UBAC1: variants seen among roughly 807,000 people sequenced by gnomAD.
UBAC1 encodes the protein UBA domain containing 1, also known as ubiquitin-associated domain-containing protein 1.
UBAC1 carries 27 observed loss-of-function variants against 45.9 expected under a neutral mutation model. The observed-to-expected ratio is 0.59, with a 90% CI of 0.43 to 0.81. UBAC1 has a LOEUF of 0.81. Ranked by LOEUF, UBAC1 falls within the 30% of genes least tolerant of loss-of-function variation. The pLI is 0.00. For missense variants in UBAC1, 529 were observed against 539.2 expected (o/e 0.98, Z 0.19); for synonymous variants, 227 against 215.5 (o/e 1.05, Z -0.47).
At chr9:135,944,491 A>G (rs890037449) in intron 7 of UBAC1, among the ~76,000 whole-genome samples, 2 of 152,198 alleles carry the variant, frequency 1.3e-5, no homozygotes, top group African/African-American at 4.8e-5. Flanking sequence ...AGAACAGGAG[A>G]GAGAAGGAAG....
intron 7 of UBAC1, among the ~76,000 whole-genome samples, chr9:135,940,375 C>A (rs1321739020): frequency 6.6e-6 from 1 of 151,808 alleles, no homozygotes; most frequent in Non-Finnish European, 1.5e-5. Flanking sequence ...GTCAGGAGAT[C>A]AAGACCATCT....
chr9:135,938,890 C>T (rs1054209246), intron 8 of UBAC1, among the ~76,000 whole-genome samples: 2 of 152,172 alleles, frequency 1.3e-5, no homozygotes, highest in African/African-American at 4.8e-5. Context: ...GGGCACAGGA[C>T]GGGAATCATT....
rs957361004 is a variant in UBAC1 at position 135,945,379 on chromosome 9, C to T, written c.654-129G>A. 47 of 801,026 alleles carry T rather than the reference C, an allele frequency of 5.9e-5. No homozygotes were observed. In the Admixed American group the frequency reaches 1.5e-3, roughly 25 times the overall value. The allele number at this position is 801,026 out of a possible 1,614,324, so 49.6% of individuals were successfully genotyped here. ...CAGCATCAGCTGGTGACCCTTATAA[C>T]AAGAACCTGAATGAACACAGGTGCG... On this transcript the variant is annotated intron_variant, in intron 6 of 9. Coordinates refer to ENST00000371756, the MANE Select transcript of UBAC1 (RefSeq NM_016172.3).
chr9:135,957,768 C>T (rs1050683576), intron 1 of UBAC1, among the ~76,000 whole-genome samples: 3 of 133,802 alleles, frequency 2.2e-5, no homozygotes. Flanking sequence ...TTTATGAACT[C>T]CTTCTTTTTT....
intron 9 of UBAC1, among the ~76,000 whole-genome samples, chr9:135,935,898 C>A (rs1456893839): frequency 2.0e-5 from 3 of 151,758 alleles, no homozygotes; most frequent in African/African-American, 7.3e-5. Flanking sequence ...CGGTGGCGGG[C>A]ACCTGTAGTC....
rs36068848 is a variant in UBAC1 at position 135,938,262 on chromosome 9, C to T, written c.1062G>A (p.Pro354=). 499 of 1,614,202 alleles carry T rather than the reference C, an allele frequency of 3.1e-4. 2 individuals are homozygous for T. The African/African-American group carries it at 6.2e-3, about 20-fold the overall frequency. ...GGTTGGTCAGGCCCAGCTGCACCACCGGGTTATCCAGGATGGCCTGAAAGA... is the reference window on the plus strand; with the variant it reads ...GGTTGGTCAGGCCCAGCTGCACCACTGGGTTATCCAGGATGGCCTGAAAGA... ...SPLFQAILDN[P]VVQLGLTNPK... is the part of the protein sequence containing the mutation. The change falls in exon 9 of 10, where the codon CCG becomes CCA. Residue 354 remains proline, a synonymous_variant. Transcript: ENST00000371756.
intron 3 of UBAC1, among the ~76,000 whole-genome samples, chr9:135,952,341 C>T (rs1208531506): frequency 6.6e-6 from 1 of 152,226 alleles, no homozygotes; most frequent in African/African-American, 2.4e-5. Context: ...TTTCAAAGCA[C>T]GAGTAAGAAA....
intron 7 of UBAC1, among the ~76,000 whole-genome samples, 195 bp downstream of exon 7, chr9:135,944,833 G>A (rs1410534410): frequency 3.9e-5 from 6 of 152,186 alleles, no homozygotes; most frequent in Admixed American, 6.5e-5. Context: ...CTCGGGCCAC[G>A]GTCCCCAGGC....
At chr9:135,953,537 C>G (rs1839431246) in intron 3 of UBAC1, 143 bp downstream of exon 3, 1 of 553,468 alleles carries the variant, frequency 1.8e-6, no homozygotes, top group African/African-American at 1.9e-5. Context: ...CCAGGATGGT[C>G]TTGATCTCTT....
Position 135,943,002 on chromosome 9 carries a change from G to A in UBAC1, c.876+2026C>T, listed in dbSNP as rs892206714. Among the ~76,000 whole-genome samples the A allele has an allele frequency of 2.0e-5, 3 of 152,030 alleles. No homozygotes were observed. In the South Asian group the frequency reaches 6.2e-4, roughly 32 times the overall value. ...GAACAGACAACCTACAGAAGGGAAC[G>A]TTTTTGCAATCTATTCACCTGACAA... On this transcript the variant is annotated intron_variant, in intron 7 of 9. Coordinates refer to ENST00000371756, the MANE Select transcript of UBAC1 (RefSeq NM_016172.3).
Position 135,958,562 on chromosome 9 carries a change from T to C in UBAC1, c.138+2463A>G, listed in dbSNP as rs997699803. 3.9e-5 allele frequency among the ~76,000 whole-genome samples: 6 copies of C among 152,202 alleles called. No individual in the cohort carries two copies. The East Asian group carries it at 7.7e-4, about 20-fold the overall frequency. On this transcript the variant is annotated intron_variant, in intron 1 of 9. Coordinates refer to ENST00000371756, the MANE Select transcript of UBAC1 (RefSeq NM_016172.3). Reference sequence around the variant, plus strand: ...GGAGCACAGCAGGGAGAAGCCGACATCATTCCCCTCCAGGCAGATGGAAAA... The same window carrying C: ...GGAGCACAGCAGGGAGAAGCCGACACCATTCCCCTCCAGGCAGATGGAAAA...
At chr9:135,942,171 A>G (rs1206241070) in intron 7 of UBAC1, 2 of 152,210 alleles carry the variant, frequency 1.3e-5, no homozygotes, top group Non-Finnish European at 2.9e-5. Flanking sequence ...CCTCCAAGAG[A>G]CCGTGCAGGA....
intron 7 of UBAC1, among the ~76,000 whole-genome samples, chr9:135,944,797 G>A (rs113632428): frequency 1.2e-4 from 18 of 152,250 alleles, no homozygotes; most frequent in African/African-American, 4.1e-4. Flanking sequence ...ATTCAAGCCA[G>A]GATAACTTAC....
At chr9:135,948,316 C>A (rs1193232425) in intron 3 of UBAC1, among the ~76,000 whole-genome samples, 1 of 152,260 alleles carries the variant, frequency 6.6e-6, no homozygotes, top group Non-Finnish European at 1.5e-5. Flanking sequence ...GCAGTAGAAA[C>A]TCACGAGAAC....
chr9:135,949,316 G>A (rs1317070850), intron 3 of UBAC1, among the ~76,000 whole-genome samples: 1 of 152,166 alleles, frequency 6.6e-6, no homozygotes, highest in Non-Finnish European at 1.5e-5. Context: ...AAGAGTTACA[G>A]AAAGAGAAAA....
intron 5 of UBAC1, 124 bp from the exon 6 acceptor site, chr9:135,946,121 G>C (rs1839331131): frequency 2.8e-6 from 3 of 1,065,166 alleles, no homozygotes; most frequent in Admixed American, 2.0e-5. Flanking sequence ...ACATCAACAG[G>C]AGTTGCCGGT....
chr9:135,937,676 G>A (rs747614396), intron 9 of UBAC1, among the ~76,000 whole-genome samples: 16 of 152,188 alleles, frequency 1.1e-4, no homozygotes, highest in Non-Finnish European at 1.8e-4. Flanking sequence ...GAGGTAAGCC[G>A]CGGCCACGGC....
At chr9:135,950,571 A>C (rs113903506) in intron 3 of UBAC1, among the ~76,000 whole-genome samples, 3 of 152,088 alleles carry the variant, frequency 2.0e-5, no homozygotes, top group South Asian at 2.1e-4. Flanking sequence ...AGAAGGATAG[A>C]TAATCTTAAT....
At chr9:135,934,365 A>G (rs888683965) in intron 9 of UBAC1, among the ~76,000 whole-genome samples, 1 of 152,240 alleles carries the variant, frequency 6.6e-6, no homozygotes, top group South Asian at 2.1e-4. Context: ...AAACCACTTT[A>G]AAATCTCAGA....
Sources: gnomAD v4.1 joint callset for allele counts (sites outside exome capture counted in the v4.1 genomes callset) on GRCh38, gnomAD v4.1.1 for gene constraint, MANE v1.5 for transcripts, NCBI Gene and HGNC (gene_info 2026-07-23, HGNC 2026-07-21) for gene names.